Variants in OPN1SW observed in about 807,000 individuals in gnomAD.
The protein encoded by OPN1SW is opsin 1, short wave sensitive, also known as short-wave-sensitive opsin 1.
OPN1SW carries 25 observed loss-of-function variants against 31.9 expected under a neutral mutation model. The ratio of observed to expected loss-of-function variants is 0.78; its 90% CI spans 0.57 to 1.09. The LOEUF is 1.09. OPN1SW is among the 50% of genes least tolerant of loss of function. The pLI is 0.00. For missense variants in OPN1SW, 424 were observed against 448.0 expected (o/e 0.95, Z 0.48); for synonymous variants, 190 against 171.9 (o/e 1.11, Z -0.82).
At position 128,774,577 on chromosome 7, in the gene OPN1SW, A is replaced by G; in HGVS notation, c.599T>C (p.Phe200Ser). ...CACAATGAAGCAGAAGATGAAGAGG[A>G]ACCACGTATAGGACTCGCTGCGGTA... ...TKYRSESYTW[F>S]LFIFCFIVPL... Residue 200 changes from phenylalanine to serine, a missense_variant, in exon 3 of 5, where the codon TTC becomes TCC. Transcript: ENST00000249389. The G allele has an allele frequency of 6.2e-7, 1 of 1,614,186 alleles. No homozygotes were observed.
intron 4 of OPN1SW, among the ~76,000 whole-genome samples, chr7:128,772,946 C>T (rs1172601489): frequency 6.6e-6 from 1 of 152,202 alleles, no homozygotes; most frequent in Non-Finnish European, 1.5e-5. Context: ...CCCTCCATTA[C>T]TAGCAGGTGC....
At chr7:128,775,242 CAGAG>C in intron 1 of OPN1SW, 88 bp from the exon 2 acceptor site, 2 of 1,433,326 alleles carry the variant, frequency 1.4e-6, no homozygotes, top group South Asian at 1.2e-5. Context: ...GGAGCAAGCA[CAGAG>C]AGACAGGGCT....
Position 128,773,700 on chromosome 7 carries a change from G to A in OPN1SW, c.867C>T (p.Ser289=), listed in dbSNP as rs907711674. ...LRLVTIPSFF[S]KSACIYNPII... ...TGGGATTGTAGATGCAAGCACTCTT[G>A]GAGAAGAATGAAGGAATGGTGACAA... The change falls in exon 4 of 5, where the codon TCC becomes TCT. Residue 289 remains serine (S), a synonymous_variant. Coordinates refer to ENST00000249389, the MANE Select transcript of OPN1SW (RefSeq NM_001385125.1). The A allele has an allele frequency of 1.2e-6, 2 of 1,614,222 alleles. No homozygotes were observed. Among genetic ancestry groups the A allele is most frequent in the Middle Eastern group, 3.3e-4 (2 of 6,060 alleles).
At chr7:128,772,683 G>T in intron 4 of OPN1SW, 24 bp from the exon 5 acceptor site, 1 of 1,613,978 alleles carries the variant, frequency 6.2e-7, no homozygotes, top group Non-Finnish European at 8.5e-7. Flanking sequence ...TACAATTGGA[G>T]ATAACCTTGG....
intron 1 of OPN1SW, 94 bp from the exon 2 acceptor site, chr7:128,775,248 G>T: frequency 7.2e-7 from 1 of 1,385,276 alleles, no homozygotes; most frequent in Non-Finnish European, 1.0e-6. Context: ...AGCACAGAGA[G>T]ACAGGGCTGG....
chr7:128,775,674 A>G lies in OPN1SW; in HGVS notation c.108T>C (p.Ala36=), dbSNP rs1212226197. 1 of 1,614,168 alleles carries G rather than the reference A, an allele frequency of 6.2e-7. No homozygotes were observed. The highest frequency in any genetic ancestry group is 1.3e-5 in the African/African-American group (1 of 75,034). The change falls in exon 1 of 5, where the codon GCT becomes GCC. Residue 36 remains alanine, a synonymous_variant. Transcript: ENST00000249389. ...CTATAAGGAAGACAGTGCCCATGAAAGCTGCCTGGAGGTAGAAGGCCCAGA... is the reference window on the plus strand; with the variant it reads ...CTATAAGGAAGACAGTGCCCATGAAGGCTGCCTGGAGGTAGAAGGCCCAGA... ...APVWAFYLQA[A]FMGTVFLIGF...
chr7:128,772,688 C>T (rs1801636579), intron 4 of OPN1SW, 29 bp from the exon 5 acceptor site: 4 of 1,613,904 alleles, frequency 2.5e-6, no homozygotes, highest in Non-Finnish European at 3.4e-6. Flanking sequence ...TTGGAGATAA[C>T]CTTGGCAGAT....
Position 128,774,571 on chromosome 7 carries a change from A to G in OPN1SW, c.605T>C (p.Phe202Ser). 2 of 1,614,156 alleles carry G rather than the reference A, an allele frequency of 1.2e-6. No homozygotes were observed. Among genetic ancestry groups the G allele is most frequent in the South Asian group, 1.1e-5 (1 of 91,078 alleles). ...YRSESYTWFL[F>S]IFCFIVPLSL... The stretch of plus-strand genomic sequence containing the variant: ...GAGAGGCACAATGAAGCAGAAGATG[A>G]AGAGGAACCACGTATAGGACTCGCT... The change falls in exon 3 of 5, where the codon TTC (phenylalanine) becomes TCC (serine). Residue 202 changes from phenylalanine (F) to serine (S), a missense_variant. Coordinates refer to ENST00000249389, the MANE Select transcript of OPN1SW (RefSeq NM_001385125.1).
rs1562888787 is a variant in OPN1SW at position 128,775,449 on chromosome 7, GC to G, written c.332del (p.Gly111AlafsTer3). 1 of 1,613,276 alleles carries G rather than the reference GC, an allele frequency of 6.2e-7. No individual in the cohort carries two copies. The highest frequency in any genetic ancestry group is 8.5e-7 in the Non-Finnish European group (1 of 1,179,586). ...TTTCCCCTGCAGTACCTGCTACAGT[GC>G]CCAGGAAGCCCTCCAAAGCACAAAC... ...RHVCALEGFL[G>X]TVAGLVTGWS... On this transcript the variant is annotated frameshift_variant, in exon 1 of 5. Transcript: ENST00000249389. LOFTEE classifies it high-confidence loss of function.
At position 128,775,517 on chromosome 7, in the gene OPN1SW, A is replaced by T; in HGVS notation, c.265T>A (p.Phe89Ile). Residue 89 changes from phenylalanine (F) to isoleucine (I), a missense_variant, in exon 1 of 5, where the codon TTC becomes ATC. Phe to Ile is a conservative substitution (Grantham distance 21). Transcript: ENST00000249389. ...LLCIFSVFPV[F>I]VASCNGYFVF... The stretch of plus-strand genomic sequence containing the variant: ...AAGTATCCGTTACAGCTGGCGACGA[A>T]GACAGGGAAGACAGAGAAGATGCAG... 1 of 1,614,052 alleles carries T rather than the reference A, an allele frequency of 6.2e-7. No homozygotes were observed. The highest frequency in any genetic ancestry group is 8.5e-7 in the Non-Finnish European group (1 of 1,179,934).
intron 1 of OPN1SW, 115 bp from the exon 2 acceptor site, chr7:128,775,269 G>C: frequency 7.6e-7 from 1 of 1,323,646 alleles, no homozygotes; most frequent in East Asian, 2.4e-5. Context: ...ACTGACATTT[G>C]GAGTGAAGAC....
chr7:128,774,982 T>C lies in OPN1SW; in HGVS notation c.512+4A>G. The C allele has an allele frequency of 6.2e-7, 1 of 1,613,974 alleles. No homozygotes were observed. The highest frequency in any genetic ancestry group is 2.2e-5 in the East Asian group (1 of 44,894). On this transcript the variant is annotated splice_donor_region_variant and intron_variant, in intron 2 of 4. Coordinates refer to ENST00000249389, the MANE Select transcript of OPN1SW (RefSeq NM_001385125.1). Reference sequence around the variant, plus strand: ...AACTCAGCACCACTGCCCTGCACTCTCACCGGCTCCAGCCAAAGAAGGGTG... The same window carrying C: ...AACTCAGCACCACTGCCCTGCACTCCCACCGGCTCCAGCCAAAGAAGGGTG...
chr7:128,773,958 TTTA>T, intron 3 of OPN1SW, 70 bp from the exon 4 acceptor site: 3 of 1,470,890 alleles, frequency 2.0e-6, no homozygotes, highest in Non-Finnish European at 1.8e-6. Flanking sequence ...TTTTTTTTTT[TTTA>T]ATTTTTAATT....
In OPN1SW at chr7:128,772,517, G is replaced by A; in HGVS notation, c.*23C>T. 6.2e-7 allele frequency: 1 copy of A among 1,614,022 alleles called. No homozygotes were observed. Among genetic ancestry groups the A allele is most frequent in the South Asian group, 1.1e-5 (1 of 91,080 alleles). On this transcript the variant is annotated 3_prime_UTR_variant, in exon 5 of 5. Transcript: ENST00000249389. ...AAAGTAAAATTTAATTCTAGCTGTT[G>A]CAAACAGGCCAATATTGGGTCCTCA... is the stretch of plus-strand genomic sequence containing the variant.
intron 1 of OPN1SW, 48 bp from the exon 2 acceptor site, chr7:128,775,202 C>G: frequency 6.3e-7 from 1 of 1,597,768 alleles, no homozygotes; most frequent in Non-Finnish European, 8.6e-7. Flanking sequence ...CCCACCCAGC[C>G]TGGCTGGCAG....
At position 128,773,954 on chromosome 7, in the gene OPN1SW, T is replaced by A. The variant is rs1439895309; in HGVS notation, c.679-66A>T. 2.6e-6 allele frequency: 4 copies of A among 1,517,994 alleles called. No individual in the cohort carries two copies. In the East Asian group the frequency reaches 6.9e-5, roughly 26 times the overall value. The allele number at this position is 1,517,994 out of a possible 1,614,324, so 94.0% of individuals were successfully genotyped here. A position where few individuals can be genotyped will look rare whatever the true frequency, so the allele number is the denominator to read the frequency against. ...TGGCCCTCTGGATGCTTTTTTTTTT[T>A]TTTTTTAATTTTTAATTTTTAATTT... On this transcript the variant is annotated intron_variant, in intron 3 of 4. Transcript: ENST00000249389.
At position 128,775,692 on chromosome 7, in the gene OPN1SW, G is replaced by T; in HGVS notation, c.90C>A (p.Ala30=). 6.2e-7 allele frequency: 1 copy of T among 1,614,152 alleles called. No individual in the cohort carries two copies. Among genetic ancestry groups the T allele is most frequent in the East Asian group, 2.2e-5 (1 of 44,870 alleles). ...GPQYHIAPVW[A]FYLQAAFMGT... ...CCATGAAAGCTGCCTGGAGGTAGAA[G>T]GCCCAGACAGGGGCAATGTGGTACT... Residue 30 remains alanine, a synonymous_variant, in exon 1 of 5, where the codon GCC becomes GCA. Coordinates refer to ENST00000249389, the MANE Select transcript of OPN1SW (RefSeq NM_001385125.1).
chr7:128,775,227 C>A (rs909414793), intron 1 of OPN1SW, 73 bp from the exon 2 acceptor site: 11 of 1,524,694 alleles, frequency 7.2e-6, no homozygotes, highest in African/African-American at 5.5e-5. Flanking sequence ...GCAAACAGAT[C>A]GGGTGGAGCA....
intron 1 of OPN1SW, 24 bp from the exon 2 acceptor site, chr7:128,775,178 G>A: frequency 6.2e-7 from 1 of 1,611,484 alleles, no homozygotes; most frequent in Non-Finnish European, 8.5e-7. Flanking sequence ...TGAGGATAAT[G>A]GGCTAGACAG....
Sources: gnomAD v4.1 joint callset for allele counts (sites outside exome capture counted in the v4.1 genomes callset) on GRCh38, gnomAD v4.1.1 for gene constraint, MANE v1.5 for transcripts, NCBI Gene and HGNC (gene_info 2026-07-23, HGNC 2026-07-21) for gene names.